ZC3H11A: variants seen among roughly 807,000 people sequenced by gnomAD.
The protein encoded by ZC3H11A is zinc finger CCCH domain-containing protein 11A.
ZC3H11A carries 22 observed loss-of-function variants against 90.8 expected under a neutral mutation model. The ratio of observed to expected loss-of-function variants is 0.24; its 90% CI spans 0.17 to 0.35. The LOEUF is 0.35. ZC3H11A is among the 10% of genes least tolerant of loss of function. The probability of loss-of-function intolerance (pLI) is 1.00; values close to 1 mark genes in which losing one functional copy is unlikely to be tolerated. For synonymous variants in ZC3H11A, 294 were observed against 339.8 expected (o/e 0.87, Z 1.48); for missense variants, 701 against 964.9 (o/e 0.73, Z 3.62).
At chr1:203,797,486 AAC>A in intron 1 of ZC3H11A, 1 of 1,456,920 alleles carries the variant, frequency 6.9e-7, no homozygotes, top group Non-Finnish European at 9.0e-7. Context: ...TAAACCCACT[AAC>A]AGATTCTGGT....
chr1:203,812,371 C>A (rs1160827814), intron 2 of ZC3H11A, among the ~76,000 whole-genome samples: 1 of 152,096 alleles, frequency 6.6e-6, no homozygotes, highest in Non-Finnish European at 1.5e-5. Flanking sequence ...TGAGAACATG[C>A]TGTATTTGGT....
chr1:203,805,055 C>G (rs1042950684), intron 2 of ZC3H11A, among the ~76,000 whole-genome samples: 5 of 151,526 alleles, frequency 3.3e-5, no homozygotes, highest in African/African-American at 1.2e-4. Flanking sequence ...TCCTATTCAT[C>G]AAATATCAAG....
Position 203,797,506 on chromosome 1 carries a change from G to A in ZC3H11A, c.-1588+1712G>A. The A allele has an allele frequency of 2.0e-6, 3 of 1,474,716 alleles. No individual in the cohort carries two copies. In the South Asian group the frequency reaches 4.2e-5, roughly 21 times the overall value. 91.4% of individuals were successfully genotyped at this position (1,474,716 alleles called of 1,614,324 possible). A position where few individuals can be genotyped will look rare whatever the true frequency, so the allele number is the denominator to read the frequency against. Reference sequence around the variant, plus strand: ...CCACTAACAGATTCTGGTACGAATTGTGGAGACATAAAGAGAATGAGTGTA... The same window carrying A: ...CCACTAACAGATTCTGGTACGAATTATGGAGACATAAAGAGAATGAGTGTA... On this transcript the variant is annotated intron_variant, in intron 1 of 17. Transcript: ENST00000367210.
chr1:203,833,241 G>A (rs954549068), intron 9 of ZC3H11A, among the ~76,000 whole-genome samples: 3 of 151,978 alleles, frequency 2.0e-5, no homozygotes, highest in Non-Finnish European at 2.9e-5. Context: ...GGTGGTGCAC[G>A]CCTGTAATCC....
chr1:203,817,043 C>A lies in ZC3H11A; in HGVS notation c.-28C>A, dbSNP rs757950120. The stretch of plus-strand genomic sequence containing the variant: ...GGAAGCAGTGGCTTGTTTCAAGAAG[C>A]CACTTCTGATCTAAGAATCTACCCA... On this transcript the variant is annotated 5_prime_UTR_variant, in exon 3 of 18. Transcript: ENST00000367210. The A allele has an allele frequency of 5.7e-6, 9 of 1,583,816 alleles. No individual in the cohort carries two copies. Among genetic ancestry groups the A allele is most frequent in the Middle Eastern group, 2.0e-4 (1 of 4,882 alleles).
At chr1:203,834,975 T>G (rs1051551338) in intron 10 of ZC3H11A, among the ~76,000 whole-genome samples, 2 of 152,360 alleles carry the variant, frequency 1.3e-5, no homozygotes, top group Admixed American at 1.3e-4. Flanking sequence ...TTTTTCTGAC[T>G]TCAGAATTTT....
intron 2 of ZC3H11A, among the ~76,000 whole-genome samples, chr1:203,808,403 C>G (rs1046656301): frequency 1.1e-4 from 16 of 152,126 alleles, no homozygotes; most frequent in African/African-American, 3.9e-4. Flanking sequence ...AAAATTTTAC[C>G]ATGTCTGTGT....
intron 4 of ZC3H11A, among the ~76,000 whole-genome samples, chr1:203,823,035 T>G (rs1223241961): frequency 1.3e-5 from 2 of 152,074 alleles, no homozygotes; most frequent in African/African-American, 4.8e-5. Context: ...TCAAATAAAT[T>G]GATAAAGGAG....
intron 2 of ZC3H11A, among the ~76,000 whole-genome samples, chr1:203,810,529 C>T (rs538309246): frequency 2.0e-5 from 3 of 151,360 alleles, no homozygotes; most frequent in African/African-American, 7.3e-5. Flanking sequence ...ACACCATTCT[C>T]CTGCCTCAGC....
intron 4 of ZC3H11A, among the ~76,000 whole-genome samples, chr1:203,819,077 A>AT (rs1169936997): frequency 0.14 from 18,006 of 132,518 alleles, 1,570 homozygotes; most frequent in East Asian, 0.33. Context: ...CAAAAAAAAA[A>AT]ATATATATAT....
At position 203,799,148 on chromosome 1, in the gene ZC3H11A, A is replaced by C. The variant is rs567257053; in HGVS notation, c.-1587-2427A>C. On this transcript the variant is annotated intron_variant, in intron 1 of 17. Transcript: ENST00000367210. Reference sequence around the variant, plus strand: ...GTTTGATAACCAATATTTTACAAGAATTAAATGACCAGATTGGTCTGTGGC... The same window carrying C: ...GTTTGATAACCAATATTTTACAAGACTTAAATGACCAGATTGGTCTGTGGC... 2.7e-6 allele frequency: 4 copies of C among 1,484,284 alleles called. No individual in the cohort carries two copies. The South Asian group carries it at 4.8e-5, about 18-fold the overall frequency. 91.9% of individuals were successfully genotyped at this position (1,484,284 alleles called of 1,614,324 possible).
chr1:203,840,619 T>TATTG (rs1461354428), intron 12 of ZC3H11A, among the ~76,000 whole-genome samples: 1 of 150,776 alleles, frequency 6.6e-6, no homozygotes, highest in Non-Finnish European at 1.5e-5. Context: ...TTTATTTATT[T>TATTG]ATTTATTTAT....
In ZC3H11A at chr1:203,847,650, A is replaced by G. The variant is rs1572358931; in HGVS notation, c.1509A>G (p.Pro503=). 6.2e-6 allele frequency: 10 copies of G among 1,613,082 alleles called. No homozygotes were observed. Among genetic ancestry groups the G allele is most frequent in the African/African-American group, 4.0e-5 (3 of 75,028 alleles). Residue 503 remains proline, a synonymous_variant, in exon 13 of 18, where the codon CCA becomes CCG. Transcript: ENST00000367210. ...TSSPSQHEAT[P]GARRLLRITK... The stretch of plus-strand genomic sequence containing the variant: ...CCCCGTCTCAACACGAGGCCACTCC[A>G]GGGGCAAGGCGGCTGCTGCGAATCA...
chr1:203,797,242 T>G, intron 1 of ZC3H11A: 1 of 220,294 alleles, frequency 4.5e-6, no homozygotes, highest in Admixed American at 5.4e-5. Context: ...GGGACTCAGT[T>G]CTTACTTCTG....
chr1:203,843,828 T>A (rs138582567), intron 12 of ZC3H11A, among the ~76,000 whole-genome samples: 1 of 152,270 alleles, frequency 6.6e-6, no homozygotes, highest in East Asian at 1.9e-4. Context: ...CTTTGTTCTC[T>A]TATTTTTTTT....
chr1:203,823,802 G>A (rs1009572376), intron 4 of ZC3H11A, among the ~76,000 whole-genome samples: 7 of 152,122 alleles, frequency 4.6e-5, no homozygotes, highest in Admixed American at 2.0e-4. Flanking sequence ...GTAAAATACT[G>A]GAAATAACCT....
At chr1:203,811,955 A>G (rs1008845621) in intron 2 of ZC3H11A, among the ~76,000 whole-genome samples, 12 of 151,634 alleles carry the variant, frequency 7.9e-5, no homozygotes, top group Admixed American at 5.9e-4. Flanking sequence ...AGCTGGGACT[A>G]TAGATGTGTG....
intron 12 of ZC3H11A, among the ~76,000 whole-genome samples, chr1:203,845,406 C>G (rs80134563): frequency 0.018 from 2,676 of 152,282 alleles, 74 homozygotes; most frequent in African/African-American, 0.056. Flanking sequence ...AGAACTAATT[C>G]AGTAAGTGAG....
intron 15 of ZC3H11A, 40 bp from the exon 16 acceptor site, chr1:203,850,475 C>G: frequency 6.2e-6 from 10 of 1,610,112 alleles, no homozygotes; most frequent in Non-Finnish European, 8.5e-6. Context: ...TTAAAAGAGT[C>G]TATTCTCACT....
Sources: gnomAD v4.1 joint callset for allele counts (sites outside exome capture counted in the v4.1 genomes callset) on GRCh38, gnomAD v4.1.1 for gene constraint, MANE v1.5 for transcripts, NCBI Gene and HGNC (gene_info 2026-07-23, HGNC 2026-07-21) for gene names.